RASSF4: variants seen among roughly 807,000 people sequenced by gnomAD.
RASSF4 encodes the protein Ras association domain family member 4, also known as ras association domain-containing protein 4.
In RASSF4, 38 loss-of-function variants were observed where a neutral mutation model predicts 41.1. The ratio of observed to expected loss-of-function variants is 0.92; its 90% confidence interval spans 0.71 to 1.21. The LOEUF is 1.21. Ranked by LOEUF, RASSF4 falls within the 50% of genes most tolerant of loss-of-function variation. The pLI is 0.00. For synonymous variants in RASSF4, 179 were observed against 163.4 expected (o/e 1.10, Z -0.73); for missense variants, 414 against 419.4 (o/e 0.99, Z 0.11).
At chr10:44,988,157 C>T (rs1175845684) in intron 6 of RASSF4, among the ~76,000 whole-genome samples, 1 of 152,080 alleles carries the variant, frequency 6.6e-6, no homozygotes, top group Non-Finnish European at 1.5e-5. Flanking sequence ...TGTAGGTTTT[C>T]AGGAATCATG....
intron 6 of RASSF4, among the ~76,000 whole-genome samples, chr10:44,987,603 C>A (rs1429247440): frequency 1.4e-5 from 2 of 144,860 alleles, no homozygotes; most frequent in South Asian, 2.2e-4. Context: ...TGTTCAGCAA[C>A]CTTCCATTTG....
rs777713089 is a variant in RASSF4, at chr10:44,984,842, C to T, written c.403C>T (p.Gln135Ter). 56 of 1,613,562 alleles carry T rather than the reference C, an allele frequency of 3.5e-5. No individual in the cohort carries two copies. The highest frequency in any genetic ancestry group is 6.7e-5 in the Admixed American group (4 of 60,012). ...CCTGGAGGAGGCAGAGGAGGCCCCC[C>T]AGCTGATGCGGACCAAGAGCGACGC... ...GPLEEAEEAPQLMRTKSDASC... is the reference protein window; with the variant it reads ...GPLEEAEEAP The change falls in exon 6 of 11, where the codon CAG (glutamine) becomes TAG (stop). Residue 135 changes from glutamine (Q) to a stop codon, truncating the protein, a stop_gained. Transcript: ENST00000340258. LOFTEE classifies it high-confidence loss of function.
chr10:44,971,675 C>G, intron 2 of RASSF4, 98 bp from the exon 3 acceptor site: 1 of 919,734 alleles, frequency 1.1e-6, no homozygotes, highest in Non-Finnish European at 1.8e-6. Context: ...CTGTCACACT[C>G]CTGTTACAAA....
chr10:44,977,060 CG>C, intron 3 of RASSF4: 1 of 211,206 alleles, frequency 4.7e-6, no homozygotes, highest in Non-Finnish European at 9.4e-6. Context: ...CTCCTATATG[CG>C]GTTACACGTC....
At chr10:44,990,038 C>A (rs1281476536) in intron 8 of RASSF4, among the ~76,000 whole-genome samples, 1 of 152,222 alleles carries the variant, frequency 6.6e-6, no homozygotes, top group Non-Finnish European at 1.5e-5. Flanking sequence ...AGAATCCCAC[C>A]AAGCTATAGG....
intron 3 of RASSF4, chr10:44,977,422 G>A: frequency 1.2e-6 from 2 of 1,601,290 alleles, no homozygotes; most frequent in Non-Finnish European, 1.7e-6. Context: ...GGAGGTGCGA[G>A]TAGAGTGTTC....
intron 3 of RASSF4, chr10:44,981,809 G>A (rs1040722088): frequency 6.5e-6 from 1 of 152,698 alleles, no homozygotes; most frequent in Non-Finnish European, 1.5e-5. Context: ...CAAGGTGCGT[G>A]CAGAGGACTC....
chr10:44,987,164 GC>G (rs1841949177), intron 6 of RASSF4, among the ~76,000 whole-genome samples: 1 of 152,162 alleles, frequency 6.6e-6, no homozygotes, highest in African/African-American at 2.4e-5. Flanking sequence ...GAGTGCAGTG[GC>G]ACGATCTGGG....
intron 3 of RASSF4, chr10:44,977,213 G>T: frequency 1.3e-6 from 1 of 749,412 alleles, no homozygotes; most frequent in Non-Finnish European, 2.1e-6. Context: ...CTCCTCATGT[G>T]AAACAGGCTG....
chr10:44,989,097 G>A (rs1842017284), intron 6 of RASSF4, among the ~76,000 whole-genome samples, 177 bp from the exon 7 acceptor site: 1 of 152,210 alleles, frequency 6.6e-6, no homozygotes, highest in African/African-American at 2.4e-5. Flanking sequence ...CACTACTACA[G>A]CTTCCCGGAG....
intron 3 of RASSF4, chr10:44,977,196 G>C: frequency 1.5e-6 from 1 of 649,426 alleles, no homozygotes; most frequent in Non-Finnish European, 2.5e-6. Context: ...AACGGGATTG[G>C]TAACATCTCC....
intron 3 of RASSF4, 112 bp downstream of exon 3, chr10:44,971,960 C>G: frequency 1.4e-6 from 1 of 707,960 alleles, no homozygotes; most frequent in Non-Finnish European, 2.4e-6. Flanking sequence ...TCAGCAGTGA[C>G]CTAGTTTGGA....
rs867573055 is a variant in RASSF4 at position 44,970,360 on chromosome 10, T to A, written c.62+96T>A. The A allele has an allele frequency of 1.6e-4, 154 of 993,034 alleles. 1 individual carries two copies. The Middle Eastern group carries it at 2.7e-3, about 17-fold the overall frequency. The allele number at this position is 993,034 out of a possible 1,614,324, so 61.5% of individuals were successfully genotyped here. A position where few individuals can be genotyped will look rare whatever the true frequency, so the allele number is the denominator to read the frequency against. On this transcript the variant is annotated intron_variant, in intron 2 of 10. Transcript: ENST00000340258. ...TAGGTGGAGGGGTTCTGAGCACTTG[T>A]TCAGAGATCTGATGGGGTGCCCTGG...
chr10:44,963,386 C>T (rs1361939026), intron 1 of RASSF4, among the ~76,000 whole-genome samples: 1 of 152,202 alleles, frequency 6.6e-6, no homozygotes, highest in Admixed American at 6.5e-5. Context: ...CACCTGGTTT[C>T]GGCAGACGCT....
At chr10:44,968,503 T>A (rs1393948504) in intron 1 of RASSF4, among the ~76,000 whole-genome samples, 2 of 152,130 alleles carry the variant, frequency 1.3e-5, no homozygotes, top group African/African-American at 4.8e-5. Flanking sequence ...GGAAGCCCAC[T>A]CCCTCAAATC....
intron 1 of RASSF4, among the ~76,000 whole-genome samples, chr10:44,961,561 C>T (rs1840712330): frequency 6.6e-6 from 1 of 152,236 alleles, no homozygotes; most frequent in Non-Finnish European, 1.5e-5. Context: ...GCCTCACATT[C>T]CCATCTCTGG....
At chr10:44,973,470 G>A (rs1180384399) in intron 3 of RASSF4, among the ~76,000 whole-genome samples, 1 of 152,212 alleles carries the variant, frequency 6.6e-6, no homozygotes, top group African/African-American at 2.4e-5. Context: ...TTCAGCTCTG[G>A]CTGTTCAGGG....
chr10:44,989,219 T>A (rs1271972881), intron 6 of RASSF4, 55 bp from the exon 7 acceptor site: 2 of 1,125,520 alleles, frequency 1.8e-6, no homozygotes, highest in Non-Finnish European at 2.7e-6. Context: ...CGTTGTGATG[T>A]CAGTCCCTTG....
intron 1 of RASSF4, among the ~76,000 whole-genome samples, chr10:44,967,632 A>T (rs1281822179): frequency 1.3e-5 from 2 of 152,214 alleles, no homozygotes; most frequent in Non-Finnish European, 2.9e-5. Context: ...GTATGTGCAC[A>T]GCTTTGGAAG....
Sources: allele counts gnomAD v4.1 joint callset (sites outside exome capture counted in the v4.1 genomes callset), GRCh38; gene constraint gnomAD v4.1.1; transcripts MANE v1.5; gene names NCBI Gene and HGNC (gene_info 2026-07-23, HGNC 2026-07-21).